Variants in CAMK2D observed in about 807,000 individuals in gnomAD.
CAMK2D encodes the protein calcium/calmodulin-dependent protein kinase type II subunit delta.
A neutral mutation model predicts 84.0 loss-of-function variants in CAMK2D; 37 were observed. The ratio of observed to expected loss-of-function variants is 0.44; its 90% CI spans 0.34 to 0.58. The LOEUF is 0.58. CAMK2D is among the 20% of genes least tolerant of loss of function. The probability of loss-of-function intolerance (pLI) is 0.02; values close to 1 mark genes in which losing one functional copy is unlikely to be tolerated. For missense variants in CAMK2D, 448 were observed against 652.5 expected, an observed-to-expected ratio of 0.69 and a Z score of 3.41; for synonymous variants, 202 against 212.5, an observed-to-expected ratio of 0.95 and a Z score of 0.43.
intron 12 of CAMK2D, among the ~76,000 whole-genome samples, chr4:113,512,634 G>A (rs942103731): frequency 1.8e-4 from 27 of 152,088 alleles, no homozygotes; most frequent in African/African-American, 5.3e-4. Flanking sequence ...GTGCAGTGGC[G>A]TGATCTCTGC....
chr4:113,462,314 GTCTGTCTGTCTGTCTGTCTGTCTGTCTA>G (rs2097394799), intron 17 of CAMK2D, among the ~76,000 whole-genome samples: 1 of 105,470 alleles, frequency 9.5e-6, no homozygotes, highest in African/African-American at 3.2e-5. Context: ...CTGTCTGTCT[GTCTGTCTGTCTGTCTGTCTGTCTGTCTA>G]TCTATCTATC....
intron 2 of CAMK2D, among the ~76,000 whole-genome samples, chr4:113,717,999 A>T (rs2099518780): frequency 1.3e-5 from 2 of 152,100 alleles, no homozygotes; most frequent in South Asian, 4.1e-4. Flanking sequence ...TTAAATTTTT[A>T]AAGCAAATCT....
Position 113,655,540 on chromosome 4 carries a change from A to G in CAMK2D, c.220+6173T>C, listed in dbSNP as rs551959711. Among the ~76,000 whole-genome samples, 62 of 152,254 alleles carry G rather than the reference A, an allele frequency of 4.1e-4. No individual in the cohort carries two copies. The South Asian group carries it at 0.012, about 30-fold the overall frequency. On this transcript the variant is annotated intron_variant, in intron 3 of 20. Transcript: ENST00000511664. ...AATGGGAAACGCTTACCTTATAAAG[A>G]TAGTGTTAATCTACAAATATAAATG...
chr4:113,582,010 C>T (rs1039612734), intron 4 of CAMK2D, among the ~76,000 whole-genome samples: 1 of 152,148 alleles, frequency 6.6e-6, no homozygotes, highest in Non-Finnish European at 1.5e-5. Flanking sequence ...ATTCTCCTTC[C>T]TTCTGATTGG....
At chr4:113,742,459 A>G (rs920887785) in intron 2 of CAMK2D, among the ~76,000 whole-genome samples, 1 of 152,134 alleles carries the variant, frequency 6.6e-6, no homozygotes, top group African/African-American at 2.4e-5. Context: ...TAGCAATGGG[A>G]GAAGAAATGG....
chr4:113,753,809 T>TGCA, intron 2 of CAMK2D: 3 of 489,574 alleles, frequency 6.1e-6, no homozygotes, highest in Non-Finnish European at 7.9e-6. Context: ...GCGGGGGTGG[T>TGCA]ACTTAAGCCC....
At chr4:113,712,823 C>A (rs1243402743) in intron 2 of CAMK2D, among the ~76,000 whole-genome samples, 1 of 151,852 alleles carries the variant, frequency 6.6e-6, no homozygotes, top group Admixed American at 6.6e-5. Context: ...AACCCTCAAG[C>A]CTCCATCTTT....
At chr4:113,664,039 AC>A (rs2099248091) in intron 2 of CAMK2D, among the ~76,000 whole-genome samples, 1 of 152,174 alleles carries the variant, frequency 6.6e-6, no homozygotes, top group Non-Finnish European at 1.5e-5. Flanking sequence ...GTGCACTGAC[AC>A]ACACAGAAGG....
intron 12 of CAMK2D, among the ~76,000 whole-genome samples, chr4:113,511,546 T>C (rs6818684): frequency 0.063 from 9,552 of 152,226 alleles, 919 homozygotes; most frequent in African/African-American, 0.22. Context: ...TAGTTTGCCA[T>C]TAACAATTTA....
intron 2 of CAMK2D, among the ~76,000 whole-genome samples, chr4:113,723,392 T>G: frequency 6.6e-6 from 1 of 152,080 alleles, no homozygotes; most frequent in Non-Finnish European, 1.5e-5. Context: ...GCCTGGCTGA[T>G]TTTTTATTTT....
At chr4:113,533,595 TAA>T (rs2098471673) in intron 7 of CAMK2D, among the ~76,000 whole-genome samples, 1 of 150,848 alleles carries the variant, frequency 6.6e-6, no homozygotes, top group South Asian at 2.1e-4. Flanking sequence ...CTTAATATCA[TAA>T]AAAAGAGACA....
At chr4:113,504,921 C>CAAAA in intron 14 of CAMK2D, 55 bp downstream of exon 14, 1 of 818,034 alleles carries the variant, frequency 1.2e-6, no homozygotes, top group Non-Finnish European at 1.7e-6. Flanking sequence ...AGAGAAACCA[C>CAAAA]AAAAAAAAAA....
chr4:113,716,380 T>A (rs538303520), intron 2 of CAMK2D, among the ~76,000 whole-genome samples: 1 of 152,302 alleles, frequency 6.6e-6, no homozygotes, highest in African/African-American at 2.4e-5. Context: ...CTGGGCATGG[T>A]GGCTCACACC....
At chr4:113,609,887 C>T (rs2098992854) in intron 3 of CAMK2D, among the ~76,000 whole-genome samples, 1 of 152,162 alleles carries the variant, frequency 6.6e-6, no homozygotes, top group Non-Finnish European at 1.5e-5. Flanking sequence ...ATTAATGCCA[C>T]TTTAAAATTT....
chr4:113,687,226 T>G (rs1234641612), intron 2 of CAMK2D, among the ~76,000 whole-genome samples: 1 of 152,222 alleles, frequency 6.6e-6, no homozygotes, highest in Non-Finnish European at 1.5e-5. Flanking sequence ...GTTACTGAAA[T>G]GTAGGAAAAA....
chr4:113,547,396 A>G (rs1476856581), intron 6 of CAMK2D, among the ~76,000 whole-genome samples: 2 of 152,228 alleles, frequency 1.3e-5, no homozygotes, highest in Admixed American at 1.3e-4. Flanking sequence ...AAGGAAAGAA[A>G]TATAGCATCC....
At chr4:113,506,935 A>G (rs890032217) in intron 13 of CAMK2D, among the ~76,000 whole-genome samples, 1 of 151,362 alleles carries the variant, frequency 6.6e-6, no homozygotes, top group African/African-American at 2.4e-5. Context: ...ACACACAGAT[A>G]CACAGCATAC....
At chr4:113,738,364 C>A (rs1341787708) in intron 2 of CAMK2D, among the ~76,000 whole-genome samples, 1 of 152,060 alleles carries the variant, frequency 6.6e-6, no homozygotes, top group Non-Finnish European at 1.5e-5. Flanking sequence ...CCAATCCATC[C>A]TCCACAAATA....
At chr4:113,495,137 G>T (rs2097911261) in intron 16 of CAMK2D, among the ~76,000 whole-genome samples, 1 of 152,158 alleles carries the variant, frequency 6.6e-6, no homozygotes, top group African/African-American at 2.4e-5. Flanking sequence ...GACCAGAGTT[G>T]TTCCTATTTG....
Sources: allele counts gnomAD v4.1 joint callset (sites outside exome capture counted in the v4.1 genomes callset), GRCh38; gene constraint gnomAD v4.1.1; transcripts MANE v1.5; gene names NCBI Gene and HGNC (gene_info 2026-07-23, HGNC 2026-07-21).